Variants in MICAL2 observed in about 807,000 individuals in gnomAD.
The protein encoded by MICAL2 is [F-actin]-monooxygenase MICAL2.
A neutral mutation model predicts 127.3 loss-of-function variants in MICAL2; 77 were observed. The ratio of observed to expected loss-of-function variants is 0.60; its 90% CI spans 0.50 to 0.73. The LOEUF (loss-of-function observed/expected upper bound fraction) is 0.73, where lower values mean the gene tolerates loss of function less well. MICAL2 is among the 30% of genes least tolerant of loss of function. The pLI is 0.00. For missense variants in MICAL2, 1,351 were observed against 1,434.4 expected, an observed-to-expected ratio of 0.94 and a Z score of 0.94; for synonymous variants, 570 against 551.1, an observed-to-expected ratio of 1.03 and a Z score of -0.48.
chr11:12,349,698 G>A (rs1258511314), intron 32 of MICAL2: 1 of 683,590 alleles, frequency 1.5e-6, no homozygotes, highest in Non-Finnish European at 2.5e-6. Flanking sequence ...ATAACCTGGA[G>A]GCACCTACAG....
intron 29 of MICAL2, among the ~76,000 whole-genome samples, chr11:12,318,066 G>A (rs1419040013): frequency 3.3e-5 from 5 of 152,174 alleles, no homozygotes; most frequent in East Asian, 3.8e-4. Flanking sequence ...TTAGATCAGT[G>A]ATGATGATCA....
rs1235806245 is a variant in MICAL2, at chr11:12,131,218, G to A, written c.-148-7172G>A. ...TGAGGCAGGAGAATGGCGTGAACCCGGGAGGCGGAGCTTGCAGTGAGCCGA... is the reference window on the plus strand; with the variant it reads ...TGAGGCAGGAGAATGGCGTGAACCCAGGAGGCGGAGCTTGCAGTGAGCCGA... On this transcript the variant is annotated intron_variant, in intron 1 of 27. Transcript: ENST00000683283. 2.2e-4 allele frequency among the ~76,000 whole-genome samples: 10 copies of A among 44,508 alleles called. 4 individuals carry two copies. The highest frequency in any genetic ancestry group is 6.8e-4 in the Admixed American group (2 of 2,946). The allele number at this position is 44,508 out of a possible 152,430, so 29.2% of individuals were successfully genotyped here. A position where few individuals can be genotyped will look rare whatever the true frequency, so the allele number is the denominator to read the frequency against.
At chr11:12,355,876 C>A (rs1420264397) in intron 34 of MICAL2, among the ~76,000 whole-genome samples, 3 of 152,124 alleles carry the variant, frequency 2.0e-5, no homozygotes, top group African/African-American at 7.2e-5. Flanking sequence ...ACTGTACAGA[C>A]TAAAGTGGTA....
chr11:12,226,121 C>T (rs150018942), intron 13 of MICAL2, 50 bp from the exon 14 acceptor site: 43 of 1,591,274 alleles, frequency 2.7e-5, no homozygotes, highest in African/African-American at 8.0e-5. Context: ...CAGCTCGCCA[C>T]ACCTCTGCCT....
Position 12,242,382 on chromosome 11 carries a change from C to T in MICAL2, c.2506C>T (p.Leu836Phe), listed in dbSNP as rs759656035. 29 of 1,613,368 alleles carry T rather than the reference C, an allele frequency of 1.8e-5. No individual in the cohort carries two copies. The East Asian group carries it at 3.1e-4, about 17-fold the overall frequency. The change falls in exon 19 of 28, where the codon CTT (leucine) becomes TTT (phenylalanine). Residue 836 changes from leucine (L) to phenylalanine (F), a missense_variant. By Grantham distance (22) the Leu-to-Phe change is conservative (BLOSUM62 0). This residue lies in a region of MICAL2 where 752 missense variants were observed against 719.4 expected (regional missense o/e 1.05). Transcript: ENST00000683283. Reference protein sequence around the residue: ...LPSTRPRAQALSGVLWRLQQV... With the variant: ...LPSTRPRAQAFSGVLWRLQQV... ...TTCTACCCGCCCGAGGGCGCAGGCTCTTTCCGGGGTGCTGTGGCGGCTGCA... is the reference window on the plus strand; with the variant it reads ...TTCTACCCGCCCGAGGGCGCAGGCTTTTTCCGGGGTGCTGTGGCGGCTGCA...
At chr11:12,212,743 T>TTG (rs34407175) in intron 6 of MICAL2, among the ~76,000 whole-genome samples, 15 of 151,622 alleles carry the variant, frequency 9.9e-5, no homozygotes, top group South Asian at 4.2e-4. Context: ...ACACATGAAT[T>TTG]TGTGTGTGTG....
At chr11:12,260,642 A>T in intron 26 of MICAL2, 4 of 986,830 alleles carry the variant, frequency 4.1e-6, no homozygotes, top group Non-Finnish European at 4.8e-6. Flanking sequence ...TTAGGTACCC[A>T]GATGCCACTT....
Position 12,131,088 on chromosome 11 carries a change from T to C in MICAL2, c.-148-7302T>C, listed in dbSNP as rs1282486681. 5.4e-5 allele frequency among the ~76,000 whole-genome samples: 5 copies of C among 92,802 alleles called. 1 individual carries two copies. Among genetic ancestry groups the C allele is most frequent in the African/African-American group, 1.5e-4 (5 of 32,816 alleles). The allele number at this position is 92,802 out of a possible 152,430, so 60.9% of individuals were successfully genotyped here. A position where few individuals can be genotyped will look rare whatever the true frequency, so the allele number is the denominator to read the frequency against. ...GCGGGTGGATCATGAGGTCAGGAGA[T>C]CGAGACCATTCTGGCTAACAAGGTG... On this transcript the variant is annotated intron_variant, in intron 1 of 27. Coordinates refer to ENST00000683283, the MANE Select transcript of MICAL2 (RefSeq NM_001282663.2).
Position 12,326,645 on chromosome 11 carries a change from G to A in MICAL2, c.5422-528G>A, listed in dbSNP as rs560851671. 6.6e-5 allele frequency among the ~76,000 whole-genome samples: 10 copies of A among 152,348 alleles called. No homozygotes were observed. The East Asian group carries it at 1.7e-3, about 26-fold the overall frequency. ...AAGAACAGGTACAATTTGTAGCTAA[G>A]GACAGGAGCAGGACAATCTAAAACA... is the stretch of plus-strand genomic sequence containing the variant. On this transcript the variant is annotated intron_variant, in intron 31 of 34. Transcript: ENST00000646065.
chr11:12,255,050 C>T (rs1269286538), intron 22 of MICAL2: 1 of 152,006 alleles, frequency 6.6e-6, no homozygotes, highest in Admixed American at 6.6e-5. Flanking sequence ...TCCCAAGTAG[C>T]TGAGATTACA....
intron 1 of MICAL2, among the ~76,000 whole-genome samples, chr11:12,122,702 C>T (rs536541164): frequency 1.3e-5 from 2 of 152,220 alleles, no homozygotes; most frequent in Non-Finnish European, 2.9e-5. Flanking sequence ...AGCCACCGCG[C>T]CTGGCCTGCC....
chr11:12,126,846 G>A (rs1247088693), intron 1 of MICAL2, among the ~76,000 whole-genome samples: 3 of 152,188 alleles, frequency 2.0e-5, no homozygotes, highest in Non-Finnish European at 4.4e-5. Flanking sequence ...GTTTTCTGTG[G>A]GCTAGGGAGG....
At chr11:12,321,524 C>T (rs936289467) in intron 30 of MICAL2, among the ~76,000 whole-genome samples, 10 of 152,182 alleles carry the variant, frequency 6.6e-5, no homozygotes, top group Non-Finnish European at 1.5e-4. Flanking sequence ...CAGGAAGAGA[C>T]GCAGCAGCTT....
At chr11:12,256,641 C>T (rs1590671579) in intron 23 of MICAL2, 144 bp from the exon 24 acceptor site, 1 of 736,480 alleles carries the variant, frequency 1.4e-6, no homozygotes, top group East Asian at 2.8e-5. Flanking sequence ...TCCTACCCCT[C>T]CCTCTTTGCT....
intron 3 of MICAL2, among the ~76,000 whole-genome samples, chr11:12,194,189 A>G (rs1859572846): frequency 6.6e-6 from 1 of 152,178 alleles, no homozygotes; most frequent in South Asian, 2.1e-4. Flanking sequence ...TAGGTGGTGG[A>G]TGCCATTGTC....
chr11:12,162,371 T>C lies in MICAL2; in HGVS notation c.216T>C (p.Arg72=). The stretch of plus-strand genomic sequence containing the variant: ...CCCTGTGGTACAAATTGGATAAGCG[T>C]GGTTCCCACAAAGAGTATAAGCGAG... ...AKALWYKLDK[R]GSHKEYKRGK... Residue 72 remains arginine (R), a synonymous_variant, in exon 3 of 28, where the codon CGT becomes CGC. Coordinates refer to ENST00000683283, the MANE Select transcript of MICAL2 (RefSeq NM_001282663.2). 6.2e-7 allele frequency: 1 copy of C among 1,614,254 alleles called. No individual in the cohort carries two copies. Among genetic ancestry groups the C allele is most frequent in the Non-Finnish European group, 8.5e-7 (1 of 1,180,052 alleles).
chr11:12,131,299 C>CA (rs60340716), intron 1 of MICAL2, among the ~76,000 whole-genome samples: 6,274 of 13,712 alleles, frequency 0.46, 1,951 homozygotes, highest in Middle Eastern at 0.71. Context: ...GACTCCGTCT[C>CA]AAAAAAAAAA....
chr11:12,242,842 G>C, intron 20 of MICAL2, 70 bp downstream of exon 20: 1 of 1,155,532 alleles, frequency 8.7e-7, no homozygotes, highest in Admixed American at 2.7e-5. Context: ...CTTGAATCAG[G>C]CTCTGAGCTC....
chr11:12,316,086 CATG>C (rs1287661302), intron 29 of MICAL2, among the ~76,000 whole-genome samples: 1 of 152,038 alleles, frequency 6.6e-6, no homozygotes, highest in Non-Finnish European at 1.5e-5. Flanking sequence ...GATACAGCCA[CATG>C]ATCTTTCTTA....
Sources: gnomAD v4.1 joint callset for allele counts (sites outside exome capture counted in the v4.1 genomes callset) on GRCh38, gnomAD v4.1.1 for gene constraint, gnomAD v4.1.1 regional missense constraint, MANE v1.5 for transcripts, NCBI Gene and HGNC (gene_info 2026-07-23, HGNC 2026-07-21) for gene names.